Variants in C3 observed in about 807,000 individuals in gnomAD.
The protein encoded by C3 is complement C3.
In C3, 97 loss-of-function variants were observed where a neutral mutation model predicts 207.9. The ratio of observed to expected loss-of-function variants is 0.47; its 90% CI spans 0.40 to 0.55. C3 has a LOEUF of 0.55. C3 is among the 20% of genes least tolerant of loss of function. The pLI is 0.00. For synonymous variants in C3, 848 were observed against 857.6 expected, an observed-to-expected ratio of 0.99 and a Z score of 0.20; for missense variants, 1,684 against 2,171.7, an observed-to-expected ratio of 0.78 and a Z score of 4.46.
chr19:6,706,753 C>G (rs887495237), intron 17 of C3, among the ~76,000 whole-genome samples: 1 of 147,758 alleles, frequency 6.8e-6, no homozygotes, highest in African/African-American at 2.5e-5. Flanking sequence ...CCTCCTCCCC[C>G]CTCAGACAGG....
In C3 at chr19:6,707,924, C is replaced by G. The variant is rs1388201055; in HGVS notation, c.1851G>C (p.Trp617Cys). 1 of 1,613,712 alleles carries G rather than the reference C, an allele frequency of 6.2e-7. No individual in the cohort carries two copies. Among genetic ancestry groups the G allele is most frequent in the Non-Finnish European group, 8.5e-7 (1 of 1,180,006 alleles). Residue 617 changes from tryptophan to cysteine, a missense_variant, in exon 15 of 41, where the codon TGG (tryptophan) becomes TGC (cysteine). Physicochemically the swap from Trp to Cys is radical, Grantham distance 215. Transcript: ENST00000245907. ...KKNKLTQSKI[W>C]DVVEKADIGC... Reference sequence around the variant, plus strand: ...CGATGTCTGCCTTCTCCACCACGTCCCAGATCTGCGGGGGGCATAGGGGTG... The same window carrying G: ...CGATGTCTGCCTTCTCCACCACGTCGCAGATCTGCGGGGGGCATAGGGGTG...
chr19:6,704,000 G>T (rs746566621), intron 17 of C3, among the ~76,000 whole-genome samples: 4 of 151,954 alleles, frequency 2.6e-5, no homozygotes, highest in African/African-American at 7.3e-5. Context: ...AAAAAATCTC[G>T]ATAGGCTGGA....
In C3 at chr19:6,719,172, T is replaced by C. The variant is rs1424826204; in HGVS notation, c.267+39A>G. 7 of 1,579,684 alleles carry C rather than the reference T, an allele frequency of 4.4e-6. No individual in the cohort carries two copies. Among genetic ancestry groups the C allele is most frequent in the Non-Finnish European group, 6.1e-6 (7 of 1,148,990 alleles). On this transcript the variant is annotated intron_variant, in intron 2 of 40. Transcript: ENST00000245907. This position sits in a 1 kb window ranked among gnomAD's most constrained non-coding sequence, Gnocchi z 5.4. The stretch of plus-strand genomic sequence containing the variant: ...GGAGGAGGGGGGGAGTGGGCGTGGC[T>C]GTGGGTGTCAGCCGGGTCCTGCGCC...
chr19:6,699,050 C>T (rs1967595798), intron 19 of C3, among the ~76,000 whole-genome samples: 2 of 152,076 alleles, frequency 1.3e-5, no homozygotes, highest in Non-Finnish European at 2.9e-5. Context: ...CCTGCCTGGG[C>T]CTCCCAAAGT....
intron 4 of C3, 22 bp downstream of exon 4, chr19:6,718,071 CT>C: frequency 6.2e-7 from 1 of 1,613,420 alleles, no homozygotes; most frequent in Non-Finnish European, 8.5e-7. Flanking sequence ...CCTGCTTCCC[CT>C]GGGGCCCCCT....
Position 6,713,058 on chromosome 19 carries a change from C to T in C3, c.1003+131G>A, listed in dbSNP as rs1967952592. 11 of 1,098,426 alleles carry T rather than the reference C, an allele frequency of 1.0e-5. No individual in the cohort carries two copies. The South Asian group carries it at 1.4e-4, about 14-fold the overall frequency. 68.0% of individuals were successfully genotyped at this position (1,098,426 alleles called of 1,614,324 possible). ...GGCCTCCCCTCTCAGACTGGGCCTA[C>T]CCCATCAGACTGAACCCCACTTTCA... On this transcript the variant is annotated intron_variant, in intron 9 of 40. Transcript: ENST00000245907.
intron 10 of C3, 37 bp from the exon 11 acceptor site, chr19:6,712,443 G>A (rs762692448): frequency 1.9e-6 from 3 of 1,614,192 alleles, no homozygotes; most frequent in Non-Finnish European, 2.5e-6. Context: ...AGTTCAGGCA[G>A]GCTCAGGGCT....
At chr19:6,713,631 C>A (rs1249042260) in intron 7 of C3, 122 bp from the exon 8 acceptor site, 51 of 764,460 alleles carry the variant, frequency 6.7e-5, no homozygotes, top group Non-Finnish European at 1.1e-4. Flanking sequence ...TCACCTGGCC[C>A]CACCTCCAGC....
In C3 at chr19:6,710,636, T is replaced by C. The variant is rs761852718; in HGVS notation, c.1686+3A>G. On this transcript the variant is annotated splice_donor_region_variant and intron_variant, in intron 13 of 40. Coordinates refer to ENST00000245907, the MANE Select transcript of C3 (RefSeq NM_000064.4). ...GGGGCGAGCGAGCCCAGGGCACACT[T>C]ACCGAGCCCACGCAGGAGTCCTTGA... is the stretch of plus-strand genomic sequence containing the variant. The C allele has an allele frequency of 6.2e-7, 1 of 1,611,404 alleles. No homozygotes were observed.
chr19:6,684,524 G>C, intron 32 of C3, 36 bp downstream of exon 32: 1 of 1,580,142 alleles, frequency 6.3e-7, no homozygotes, highest in Non-Finnish European at 8.7e-7. Flanking sequence ...AGAGGGGTAG[G>C]AGGAAGGTGA....
chr19:6,696,543 C>T (rs1245078343), intron 22 of C3, 50 bp downstream of exon 22: 1 of 1,601,916 alleles, frequency 6.2e-7, no homozygotes, highest in Non-Finnish European at 8.6e-7. Flanking sequence ...AGGTCATTTA[C>T]CCCCCTTACC....
At chr19:6,689,346 TCCCTCCCTCCCTCC>T (rs1918105115) in intron 27 of C3, among the ~76,000 whole-genome samples, 3 of 23,468 alleles carry the variant, frequency 1.3e-4, no homozygotes, top group African/African-American at 3.7e-4. Context: ...CCTCCCTCCC[TCCCTCCCTCCCTCC>T]CTCTCTCTCT....
chr19:6,713,238 G>C lies in C3; in HGVS notation c.954C>G (p.Asp318Glu). The change falls in exon 9 of 41, where the codon GAC (aspartate) becomes GAG (glutamate). Residue 318 changes from aspartate to glutamate, a missense_variant. Asp to Glu is a conservative substitution (Grantham distance 45). Transcript: ENST00000245907. ...LDGVQNPRAEDLVGKSLYVSA... is the reference protein window; with the variant it reads ...LDGVQNPRAEELVGKSLYVSA... ...ACACGTACAAAGACTTCCCCACCAG[G>C]TCTTCTGCTCGGGGGTTCTGCACCC... 6.2e-7 allele frequency: 1 copy of C among 1,613,664 alleles called. No individual in the cohort carries two copies. The highest frequency in any genetic ancestry group is 1.6e-4 in the Middle Eastern group (1 of 6,062).
At chr19:6,683,446 A>ATTTTTTTTTTTTTTTTTT (rs770744810) in intron 33 of C3, 35 of 93,428 alleles carry the variant, frequency 3.7e-4, no homozygotes, top group Non-Finnish European at 4.9e-4. Context: ...GTTTTATTCT[A>ATTTTTTTTTTTTTTTTTT]TTTTTTTTTT....
chr19:6,707,996 GCA>G, intron 14 of C3, 67 bp from the exon 15 acceptor site: 1 of 1,591,070 alleles, frequency 6.3e-7, no homozygotes, highest in South Asian at 1.1e-5. Context: ...CCCCACATAT[GCA>G]CCTGTGTATC....
Position 6,677,864 on chromosome 19 carries a change from G to C in C3, c.*18C>G. The stretch of plus-strand genomic sequence containing the variant: ...ATATAACTGAAGCTTTATCTGGAGT[G>C]GGGGAATGGGGGTGTGGTCAGTTGG... On this transcript the variant is annotated 3_prime_UTR_variant, in exon 41 of 41. Transcript: ENST00000245907. The C allele has an allele frequency of 4.3e-6, 7 of 1,613,612 alleles. No homozygotes were observed. The highest frequency in any genetic ancestry group is 5.9e-6 in the Non-Finnish European group (7 of 1,179,916).
chr19:6,678,947 C>A (rs1917789138), intron 38 of C3, among the ~76,000 whole-genome samples, 178 bp downstream of exon 38: 1 of 152,148 alleles, frequency 6.6e-6, no homozygotes, highest in Non-Finnish European at 1.5e-5. Context: ...ATACCTAGGC[C>A]ACTCACAGTC....
At position 6,704,977 on chromosome 19, in the gene C3, G is replaced by A. The variant is rs951968033; in HGVS notation, c.2245+2099C>T. ...TGCTCTCAAACTCCAGAGCTCAAGCGATCCCGCTGCCTCAGCCTCCCAAAG... is the reference window on the plus strand; with the variant it reads ...TGCTCTCAAACTCCAGAGCTCAAGCAATCCCGCTGCCTCAGCCTCCCAAAG... On this transcript the variant is annotated intron_variant, in intron 17 of 40. Transcript: ENST00000245907. Among the ~76,000 whole-genome samples the A allele has an allele frequency of 2.0e-5, 3 of 152,052 alleles. No individual in the cohort carries two copies. The South Asian group carries it at 6.2e-4, about 32-fold the overall frequency.
At chr19:6,681,863 G>T (rs1917870287) in intron 35 of C3, 78 bp downstream of exon 35, 1 of 1,077,020 alleles carries the variant, frequency 9.3e-7, no homozygotes, top group African/African-American at 1.6e-5. Context: ...GACAAAAGCT[G>T]AAAGGAAAAG....
Sources: gnomAD v4.1 joint callset for allele counts (sites outside exome capture counted in the v4.1 genomes callset) on GRCh38, gnomAD v4.1.1 for gene constraint, Gnocchi (gnomAD v3.1) non-coding constraint, MANE v1.5 for transcripts, NCBI Gene and HGNC (gene_info 2026-07-23, HGNC 2026-07-21) for gene names.